The following ORAI2 variants were observed in gnomAD, a reference collection of about 807,000 sequenced individuals.
ORAI2 encodes ORAI calcium release-activated calcium modulator 2, also known as protein orai-2.
In ORAI2, 10 loss-of-function variants were observed where a neutral mutation model predicts 16.2. That is an observed-to-expected ratio of 0.62 (90% CI 0.38 to 1.04). The LOEUF is 1.04. ORAI2 is among the 50% of genes least tolerant of loss of function. The pLI is 0.01. For missense variants in ORAI2, 238 were observed against 355.5 expected (o/e 0.67, Z 2.66); for synonymous variants, 150 against 157.5 (o/e 0.95, Z 0.35).
rs566424505 is a variant in ORAI2 at position 102,444,362 on chromosome 7, C to T, written c.226-2151C>T. Among the ~76,000 whole-genome samples, 10 of 152,016 alleles carry T rather than the reference C, an allele frequency of 6.6e-5. No homozygotes were observed. The South Asian group carries it at 1.7e-3, about 25-fold the overall frequency. The stretch of plus-strand genomic sequence containing the variant: ...CTGCCCGCCAGATTCAAGCGATTCT[C>T]CTGCCTCAGCCTCCCAAGTAGCTGG... On this transcript the variant is annotated intron_variant, in intron 3 of 3. Transcript: ENST00000495936.
In ORAI2 at chr7:102,455,877, G is replaced by C. The variant is rs569091086; in HGVS notation, c.*8825G>C. ...TCAGCCTTTCCCCTGGGTCTATGCG[G>C]GGCTCTTCAGCCCTCCTGGGAGCTC... On this transcript the variant is annotated 3_prime_UTR_variant, in exon 4 of 4. Transcript: ENST00000495936. 15 of 152,402 alleles carry C rather than the reference G, an allele frequency of 9.8e-5. No individual in the cohort carries two copies. The highest frequency in any genetic ancestry group is 3.1e-4 in the African/African-American group (13 of 41,590). 9.4% of individuals were successfully genotyped at this position (152,402 alleles called of 1,614,324 possible).
chr7:102,447,086 G>A lies in ORAI2; in HGVS notation c.*34G>A. The A allele has an allele frequency of 6.7e-7, 1 of 1,486,358 alleles. No individual in the cohort carries two copies. Among genetic ancestry groups the A allele is most frequent in the Non-Finnish European group, 8.9e-7 (1 of 1,123,454 alleles). 92.1% of individuals were successfully genotyped at this position (1,486,358 alleles called of 1,614,324 possible). A position where few individuals can be genotyped will look rare whatever the true frequency, so the allele number is the denominator to read the frequency against. ...GGGCCGGGGCTGGGAGCGGCCCTGT[G>A]CCCGGGAGTCCGCAGAGGCGGGGAT... is the stretch of plus-strand genomic sequence containing the variant. On this transcript the variant is annotated 3_prime_UTR_variant, in exon 4 of 4. Transcript: ENST00000495936.
chr7:102,454,542 G>T lies in ORAI2; in HGVS notation c.*7490G>T, dbSNP rs1207646615. On this transcript the variant is annotated 3_prime_UTR_variant, in exon 4 of 4. Transcript: ENST00000495936. ...GGCTCCTGTCCCTGCCTGTGAGGGA[G>T]GACCAGACTCGGCCTCACCACCTGC... 1 of 152,884 alleles carries T rather than the reference G, an allele frequency of 6.5e-6. No homozygotes were observed. Among genetic ancestry groups the T allele is most frequent in the Non-Finnish European group, 1.5e-5 (1 of 68,078 alleles). The allele number at this position is 152,884 out of a possible 1,614,324, so 9.5% of individuals were successfully genotyped here. A position where few individuals can be genotyped will look rare whatever the true frequency, so the allele number is the denominator to read the frequency against.
chr7:102,442,586 C>T (rs1797235083), intron 3 of ORAI2, among the ~76,000 whole-genome samples: 1 of 152,136 alleles, frequency 6.6e-6, no homozygotes, highest in Admixed American at 6.6e-5. Flanking sequence ...ACTCGGGAGG[C>T]TGAGGCACGA....
intron 3 of ORAI2, among the ~76,000 whole-genome samples, chr7:102,444,388 G>C (rs1292089713): frequency 6.6e-6 from 1 of 151,938 alleles, no homozygotes; most frequent in Non-Finnish European, 1.5e-5. Flanking sequence ...AAGTAGCTGG[G>C]ATTACAGGCA....
chr7:102,441,313 G>A (rs1797192110), intron 3 of ORAI2, among the ~76,000 whole-genome samples: 1 of 151,138 alleles, frequency 6.6e-6, no homozygotes, highest in African/African-American at 2.4e-5. Flanking sequence ...AGGCTGAGGT[G>A]GGCAGATCAC....
intron 1 of ORAI2, among the ~76,000 whole-genome samples, chr7:102,434,450 CTCACCGA>C (rs1266081195): frequency 6.6e-6 from 1 of 152,228 alleles, no homozygotes; most frequent in African/African-American, 2.4e-5. Flanking sequence ...TCTGCAGGGC[CTCACCGA>C]TGGGGCATGG....
chr7:102,447,220 T>C lies in ORAI2; in HGVS notation c.*168T>C. 1.3e-6 allele frequency: 1 copy of C among 790,056 alleles called. No individual in the cohort carries two copies. Among genetic ancestry groups the C allele is most frequent in the Non-Finnish European group, 1.9e-6 (1 of 512,968 alleles). The allele number at this position is 790,056 out of a possible 1,614,324, so 48.9% of individuals were successfully genotyped here. On this transcript the variant is annotated 3_prime_UTR_variant, in exon 4 of 4. Transcript: ENST00000495936. ...TGACTTCTCCTGAGATAGAACCGTTTGGTTCAATGAGGGACTGTGTTGCTA... is the reference window on the plus strand; with the variant it reads ...TGACTTCTCCTGAGATAGAACCGTTCGGTTCAATGAGGGACTGTGTTGCTA...
Position 102,446,972 on chromosome 7 carries a change from C to A in ORAI2, c.685C>A (p.Arg229Ser). The A allele has an allele frequency of 6.2e-7, 1 of 1,606,606 alleles. No homozygotes were observed. The highest frequency in any genetic ancestry group is 8.5e-7 in the Non-Finnish European group (1 of 1,178,008). Residue 229 changes from arginine (R) to serine (S), a missense_variant, in exon 4 of 4, where the codon CGC (arginine) becomes AGC (serine). Around this residue, in one of 3 missense-constraint regions of ORAI2, gnomAD observed 176 missense variants for 265.9 expected, o/e 0.66. Coordinates refer to ENST00000495936, the MANE Select transcript of ORAI2 (RefSeq NM_001126340.3). The stretch of plus-strand genomic sequence containing the variant: ...CTCCCTGGTGCGCCACAAAACGGAG[C>A]GCCACAACCGCGAGATCGAGGAGCT... Reference protein sequence around the residue: ...YRSLVRHKTERHNREIEELHK... With the variant: ...YRSLVRHKTESHNREIEELHK...
At chr7:102,442,141 C>T (rs1385404618) in intron 3 of ORAI2, among the ~76,000 whole-genome samples, 3 of 150,954 alleles carry the variant, frequency 2.0e-5, no homozygotes, top group Admixed American at 6.6e-5. Flanking sequence ...ATAGGCCAGG[C>T]GGGGTGGCTC....
chr7:102,445,840 T>G (rs986373647), intron 3 of ORAI2, among the ~76,000 whole-genome samples: 3 of 151,922 alleles, frequency 2.0e-5, no homozygotes, highest in African/African-American at 7.2e-5. Context: ...CCTTTTCTCT[T>G]TCTTTTCTTT....
In ORAI2 at chr7:102,449,217, T is replaced by G. The variant is rs557714854; in HGVS notation, c.*2165T>G. On this transcript the variant is annotated 3_prime_UTR_variant, in exon 4 of 4. Transcript: ENST00000495936. Reference sequence around the variant, plus strand: ...GCCCTCCAGCATGTATGTACTTTCCTGCAGCCTGTAGAAACGCCTCTTACG... The same window carrying G: ...GCCCTCCAGCATGTATGTACTTTCCGGCAGCCTGTAGAAACGCCTCTTACG... 4 of 152,350 alleles carry G rather than the reference T, an allele frequency of 2.6e-5. No individual in the cohort carries two copies. The highest frequency in any genetic ancestry group is 7.2e-5 in the African/African-American group (3 of 41,568). 9.4% of individuals were successfully genotyped at this position (152,350 alleles called of 1,614,324 possible).
chr7:102,447,217 G>A lies in ORAI2; in HGVS notation c.*165G>A, dbSNP rs900386059. 30 of 813,220 alleles carry A rather than the reference G, an allele frequency of 3.7e-5. No individual in the cohort carries two copies. Among genetic ancestry groups the A allele is most frequent in the Non-Finnish European group, 4.7e-5 (25 of 534,178 alleles). The allele number at this position is 813,220 out of a possible 1,614,324, so 50.4% of individuals were successfully genotyped here. ...GGATGACTTCTCCTGAGATAGAACCGTTTGGTTCAATGAGGGACTGTGTTG... is the reference window on the plus strand; with the variant it reads ...GGATGACTTCTCCTGAGATAGAACCATTTGGTTCAATGAGGGACTGTGTTG... On this transcript the variant is annotated 3_prime_UTR_variant, in exon 4 of 4. Transcript: ENST00000495936.
chr7:102,437,620 A>G (rs1312775762), intron 2 of ORAI2, among the ~76,000 whole-genome samples: 1 of 152,206 alleles, frequency 6.6e-6, no homozygotes, highest in East Asian at 1.9e-4. Context: ...GTCTCAAAAA[A>G]TAAATAAATT....
rs2133216969 is a variant in ORAI2 at position 102,433,596 on chromosome 7, G to T, written c.-188G>T. 1 of 150,892 alleles carries T rather than the reference G, an allele frequency of 6.6e-6. No individual in the cohort carries two copies. Among genetic ancestry groups the T allele is most frequent in the South Asian group, 2.1e-4 (1 of 4,828 alleles). 9.3% of individuals were successfully genotyped at this position (150,892 alleles called of 1,614,324 possible). ...GCTCGGCGCCCCGGCCGGGCCACTG[G>T]GCCACAGGCCACGCGGCCACGCAGT... On this transcript the variant is annotated 5_prime_UTR_variant, in exon 1 of 4. Coordinates refer to ENST00000495936, the MANE Select transcript of ORAI2 (RefSeq NM_001126340.3). The surrounding 1 kb of genome is among the most constrained non-coding windows in gnomAD (Gnocchi z 4.6).
At chr7:102,441,369 G>A (rs1189649333) in intron 3 of ORAI2, among the ~76,000 whole-genome samples, 24 of 150,798 alleles carry the variant, frequency 1.6e-4, no homozygotes, top group African/African-American at 5.1e-4. Flanking sequence ...GTGACACCCC[G>A]TCTCTACTAA....
At chr7:102,436,740 C>G (rs959710829) in intron 2 of ORAI2, among the ~76,000 whole-genome samples, 1 of 151,964 alleles carries the variant, frequency 6.6e-6, no homozygotes, top group Non-Finnish European at 1.5e-5. Flanking sequence ...AGACGGAATC[C>G]TGCTCTGTCA....
At position 102,453,693 on chromosome 7, in the gene ORAI2, A is replaced by G. The variant is rs995866292; in HGVS notation, c.*6641A>G. The G allele has an allele frequency of 1.3e-5, 2 of 152,170 alleles. No homozygotes were observed. The highest frequency in any genetic ancestry group is 2.9e-5 in the Non-Finnish European group (2 of 68,036). 9.4% of individuals were successfully genotyped at this position (152,170 alleles called of 1,614,324 possible). On this transcript the variant is annotated 3_prime_UTR_variant, in exon 4 of 4. Transcript: ENST00000495936. ...CAAGGGCAGGACACAAGTCACTGGCATTGAAGGACCCACTCCACACCCAGC... is the reference window on the plus strand; with the variant it reads ...CAAGGGCAGGACACAAGTCACTGGCGTTGAAGGACCCACTCCACACCCAGC...
rs1414273774 is a variant in ORAI2 at position 102,452,428 on chromosome 7, TTA to T, written c.*5378_*5379del. ...ACAGGTGTGAGCCAGCTTGCCCAGC[TTA>T]TGTTTATAGATTTATTTTAGAGACA... On this transcript the variant is annotated 3_prime_UTR_variant, in exon 4 of 4. Coordinates refer to ENST00000495936, the MANE Select transcript of ORAI2 (RefSeq NM_001126340.3). 1 of 147,806 alleles carries T rather than the reference TTA, an allele frequency of 6.8e-6. No homozygotes were observed. Among genetic ancestry groups the T allele is most frequent in the East Asian group, 2.0e-4 (1 of 4,946 alleles). The allele number at this position is 147,806 out of a possible 1,614,324, so 9.2% of individuals were successfully genotyped here. A position where few individuals can be genotyped will look rare whatever the true frequency, so the allele number is the denominator to read the frequency against.
Sources: gnomAD v4.1 joint callset for allele counts (sites outside exome capture counted in the v4.1 genomes callset) on GRCh38, gnomAD v4.1.1 for gene constraint, gnomAD v4.1.1 regional missense constraint, Gnocchi (gnomAD v3.1) non-coding constraint, MANE v1.5 for transcripts, NCBI Gene and HGNC (gene_info 2026-07-23, HGNC 2026-07-21) for gene names.